The following SH3BP5 variants were observed in gnomAD, a reference collection of about 807,000 sequenced individuals.
The protein encoded by SH3BP5 is SH3 domain binding protein 5, also known as SH3 domain-binding protein 5.
A neutral mutation model predicts 43.3 loss-of-function variants in SH3BP5; 22 were observed. The ratio of observed to expected loss-of-function variants is 0.51; its 90% CI spans 0.36 to 0.73. The LOEUF (loss-of-function observed/expected upper bound fraction) is 0.73, where lower values mean the gene tolerates loss of function less well. Ranked by LOEUF, SH3BP5 falls within the 30% of genes least tolerant of loss-of-function variation. The probability of loss-of-function intolerance (pLI) is 0.00; values close to 1 mark genes in which losing one functional copy is unlikely to be tolerated. For missense variants in SH3BP5, 529 were observed against 586.9 expected (o/e 0.90, Z 1.02); for synonymous variants, 255 against 225.8 (o/e 1.13, Z -1.16).
intron 2 of SH3BP5, among the ~76,000 whole-genome samples, chr3:15,309,822 A>G (rs755790006): frequency 6.6e-6 from 1 of 152,072 alleles, no homozygotes; most frequent in Non-Finnish European, 1.5e-5. Context: ...GGAATGATGC[A>G]TGACTGGCTG....
rs2125029866 is a variant in SH3BP5 at position 15,254,370 on chromosome 3, C to CTT, written c.*1714_*1715dup. 3 of 152,312 alleles carry CTT rather than the reference C, an allele frequency of 2.0e-5. No individual in the cohort carries two copies. The highest frequency in any genetic ancestry group is 2.0e-4 in the Admixed American group (3 of 15,302). The allele number at this position is 152,312 out of a possible 1,614,324, so 9.4% of individuals were successfully genotyped here. A position where few individuals can be genotyped will look rare whatever the true frequency, so the allele number is the denominator to read the frequency against. ...CCAAGAACTTTTTCTCCACAGCATG[C>CTT]TTTAATAATGAAATGCGGATTAAGA... On this transcript the variant is annotated 3_prime_UTR_variant, in exon 9 of 9. Coordinates refer to ENST00000383791, the MANE Select transcript of SH3BP5 (RefSeq NM_004844.5).
chr3:15,282,116 G>A (rs1275216541), intron 3 of SH3BP5, among the ~76,000 whole-genome samples: 1 of 152,160 alleles, frequency 6.6e-6, no homozygotes, highest in Non-Finnish European at 1.5e-5. Context: ...GAACCAGGAA[G>A]AACAGAGTAT....
chr3:15,283,204 C>CTCTTCTCTT (rs1697174756), intron 3 of SH3BP5, among the ~76,000 whole-genome samples: 1 of 152,182 alleles, frequency 6.6e-6, no homozygotes, highest in African/African-American at 2.4e-5. Context: ...TCAAGACCAG[C>CTCTTCTCTT]CCGGCCAACA....
rs1696188019 is a variant in SH3BP5, at chr3:15,256,166, G to A, written c.1288C>T (p.Arg430Trp). 1.1e-5 allele frequency: 17 copies of A among 1,614,122 alleles called. No homozygotes were observed. The highest frequency in any genetic ancestry group is 5.3e-5 in the African/African-American group (4 of 75,018). Residue 430 changes from arginine to tryptophan, a missense_variant, in exon 9 of 9, where the codon CGG becomes TGG. Transcript: ENST00000383791. ...TSPEGQALEN[R>W]MKQLSLQCSK... ...CACTGTAGGGAGAGCTGCTTCATCC[G>A]GTTCTCCAAGGCCTGGCCCTCAGGG...
intron 3 of SH3BP5, among the ~76,000 whole-genome samples, chr3:15,292,502 C>A (rs1697439929): frequency 6.6e-6 from 1 of 152,204 alleles, no homozygotes; most frequent in Admixed American, 6.5e-5. Context: ...GGACTTCCTG[C>A]CACCTGCCAG....
chr3:15,288,283 A>G (rs1382087842), intron 3 of SH3BP5, among the ~76,000 whole-genome samples: 2 of 152,248 alleles, frequency 1.3e-5, no homozygotes, highest in African/African-American at 4.8e-5. Flanking sequence ...AGTAACAACC[A>G]GAATTATATT....
chr3:15,258,873 C>G lies in SH3BP5; in HGVS notation c.847G>C (p.Glu283Gln), dbSNP rs757219482. 1 of 1,614,214 alleles carries G rather than the reference C, an allele frequency of 6.2e-7. No homozygotes were observed. The highest frequency in any genetic ancestry group is 1.1e-5 in the South Asian group (1 of 91,080). ...TCAGGTTTGCTCCCTGGCAGATCCTCCACAGATGTGCTGCTGCCCTCAGCA... is the reference window on the plus strand; with the variant it reads ...TCAGGTTTGCTCCCTGGCAGATCCTGCACAGATGTGCTGCTGCCCTCAGCA... ...VGAEGSSTSV[E>Q]DLPGSKPEPD... Residue 283 changes from glutamate to glutamine, a missense_variant, in exon 7 of 9, where the codon GAG (glutamate) becomes CAG (glutamine). Coordinates refer to ENST00000383791, the MANE Select transcript of SH3BP5 (RefSeq NM_004844.5).
intron 3 of SH3BP5, among the ~76,000 whole-genome samples, chr3:15,285,618 T>C (rs1234029786): frequency 6.6e-6 from 1 of 152,042 alleles, no homozygotes; most frequent in African/African-American, 2.4e-5. Context: ...CACGAATTAT[T>C]TCACCATTCA....
intron 2 of SH3BP5, among the ~76,000 whole-genome samples, chr3:15,317,407 A>G (rs1644284980): frequency 6.6e-6 from 1 of 152,176 alleles, no homozygotes; most frequent in South Asian, 2.1e-4. Context: ...TCAAAATGTT[A>G]AGAAAGGAGA....
At chr3:15,275,631 G>C (rs1696941823) in intron 3 of SH3BP5, 1 of 152,212 alleles carries the variant, frequency 6.6e-6, no homozygotes, top group Non-Finnish European at 1.5e-5. Flanking sequence ...AGCTTGGTTT[G>C]AGGTATAAGA....
chr3:15,307,089 G>A (rs1697930979), intron 2 of SH3BP5, among the ~76,000 whole-genome samples: 1 of 152,184 alleles, frequency 6.6e-6, no homozygotes, highest in Middle Eastern at 3.4e-3. Context: ...GTTTGAAAAC[G>A]CCGCCGGCAT....
chr3:15,319,180 C>T (rs1471401846), intron 2 of SH3BP5, among the ~76,000 whole-genome samples: 2 of 152,130 alleles, frequency 1.3e-5, no homozygotes, highest in Non-Finnish European at 2.9e-5. Context: ...TTTTCTCAGA[C>T]AAAATTTTTA....
At chr3:15,314,478 T>C (rs1261969553) in intron 2 of SH3BP5, among the ~76,000 whole-genome samples, 1 of 152,056 alleles carries the variant, frequency 6.6e-6, no homozygotes, top group Non-Finnish European at 1.5e-5. Context: ...GCAGCAGAGA[T>C]AGAAGCACAA....
At chr3:15,276,091 T>C (rs552430494) in intron 3 of SH3BP5, 1 of 149,776 alleles carries the variant, frequency 6.7e-6, no homozygotes, top group Non-Finnish European at 1.5e-5. Context: ...ACTGTGACTA[T>C]GAAGCCCTTA....
At chr3:15,256,341 C>G in intron 8 of SH3BP5, 38 bp from the exon 9 acceptor site, 1 of 1,577,568 alleles carries the variant, frequency 6.3e-7, no homozygotes, top group Non-Finnish European at 8.7e-7. Context: ...TGAGTATTGA[C>G]AATTCTGCCC....
chr3:15,309,909 C>A (rs115492685), intron 2 of SH3BP5, among the ~76,000 whole-genome samples: 9 of 108,206 alleles, frequency 8.3e-5, no homozygotes, highest in African/African-American at 1.2e-4. Context: ...CCGCTCCACC[C>A]CCCCCCCATA....
rs59276192 is a variant in SH3BP5 at position 15,318,530 on chromosome 3, C to CAAA, written c.201+11971_201+11973dup. ...TATGTAGTTTAGTTTCTGTCAGCTC[C>CAAA]AAAAAAAAAAAAAAAAAAGCTTTCC... is the stretch of plus-strand genomic sequence containing the variant. On this transcript the variant is annotated intron_variant, in intron 2 of 8. Transcript: ENST00000383791. Among the ~76,000 whole-genome samples the CAAA allele has an allele frequency of 2.8e-4, 29 of 105,190 alleles. 1 individual carries two copies. Among genetic ancestry groups the CAAA allele is most frequent in the African/African-American group, 5.0e-4 (14 of 28,118 alleles). The allele number at this position is 105,190 out of a possible 152,430, so 69.0% of individuals were successfully genotyped here.
intron 3 of SH3BP5, among the ~76,000 whole-genome samples, chr3:15,272,664 CATTACAAAACAGAGTGCCT>C (rs1696846949): frequency 9.2e-6 from 1 of 108,502 alleles, no homozygotes. Flanking sequence ...AGGATAAAGA[CATTACAAAACAGAGTGCCT>C]GTAGGATAAA....
chr3:15,287,145 A>G, intron 3 of SH3BP5, among the ~76,000 whole-genome samples: 1 of 152,260 alleles, frequency 6.6e-6, no homozygotes, highest in East Asian at 1.9e-4. Flanking sequence ...TAAGTGAGTT[A>G]ATACATATAA....
Sources: allele counts gnomAD v4.1 joint callset (sites outside exome capture counted in the v4.1 genomes callset), GRCh38; gene constraint gnomAD v4.1.1; transcripts MANE v1.5; gene names NCBI Gene and HGNC (gene_info 2026-07-23, HGNC 2026-07-21).